NXPE2: variants seen among roughly 807,000 people sequenced by gnomAD.
The protein encoded by NXPE2 is neurexophilin and PC-esterase domain family member 2.
NXPE2 carries 34 observed loss-of-function variants against 34.4 expected under a neutral mutation model. The ratio of observed to expected loss-of-function variants is 0.99; its 90% CI spans 0.75 to 1.31. The LOEUF (loss-of-function observed/expected upper bound fraction) is 1.31, where lower values mean the gene tolerates loss of function less well. Among genes scored for constraint, NXPE2 ranks in the 40% most tolerant of loss-of-function variants. The pLI is 0.00. For missense variants in NXPE2, 649 were observed against 672.5 expected (o/e 0.97, Z 0.39); for synonymous variants, 235 against 231.3 (o/e 1.02, Z -0.15).
At chr11:114,805,803 T>G in the NXPE2 span, among the ~76,000 whole-genome samples, 1 of 152,192 alleles carries the variant, frequency 6.6e-6, no homozygotes, top group Non-Finnish European at 1.5e-5. Context: ...AGCAGTAACC[T>G]CTGCAGACTT....
At chr11:114,532,722 T>C in the NXPE2 span, among the ~76,000 whole-genome samples, 2 of 152,200 alleles carry the variant, frequency 1.3e-5, no homozygotes, top group Non-Finnish European at 2.9e-5. Context: ...TGTGTGTATG[T>C]GCATATATGC....
the NXPE2 span, chr11:114,523,140 T>A: frequency 7.5e-7 from 1 of 1,337,106 alleles, no homozygotes; most frequent in South Asian, 1.2e-5. Flanking sequence ...AACTTAGACA[T>A]CTAGCCTTCT....
At chr11:114,636,240 T>C in the NXPE2 span, among the ~76,000 whole-genome samples, 1 of 152,074 alleles carries the variant, frequency 6.6e-6, no homozygotes, top group Non-Finnish European at 1.5e-5. Flanking sequence ...GATTCTCTAG[T>C]TTATTTGCGT....
chr11:114,663,678 T>TTATCTATC, the NXPE2 span, among the ~76,000 whole-genome samples: 42,904 of 145,774 alleles, frequency 0.29, 6,400 homozygotes, highest in Middle Eastern at 0.35. Context: ...ATCTATCTAT[T>TTATCTATC]TATCTATCTA....
chr11:114,625,675 A>G, the NXPE2 span, among the ~76,000 whole-genome samples: 1 of 152,138 alleles, frequency 6.6e-6, no homozygotes, highest in East Asian at 1.9e-4. Flanking sequence ...GGAGGAGCCA[A>G]GATGGCCGAG....
chr11:114,609,521 C>G, the NXPE2 span, among the ~76,000 whole-genome samples: 1 of 151,800 alleles, frequency 6.6e-6, no homozygotes, highest in Non-Finnish European at 1.5e-5. Context: ...AGTACTGCTT[C>G]GTGGGTAACC....
At chr11:114,640,466 G>T in the NXPE2 span, among the ~76,000 whole-genome samples, 2 of 151,490 alleles carry the variant, frequency 1.3e-5, no homozygotes, top group Non-Finnish European at 2.9e-5. Flanking sequence ...CCTCTGGGTA[G>T]ACACCAAGTA....
chr11:114,580,248 A>T, the NXPE2 span: 1 of 1,613,968 alleles, frequency 6.2e-7, no homozygotes, highest in South Asian at 1.1e-5. Flanking sequence ...ACTACAGGAG[A>T]CAGGATTCCA....
chr11:114,798,050 C>G, the NXPE2 span, among the ~76,000 whole-genome samples: 1 of 152,156 alleles, frequency 6.6e-6, no homozygotes, highest in Non-Finnish European at 1.5e-5. Flanking sequence ...TGCCCAGATC[C>G]TTCTATTTCT....
the NXPE2 span, among the ~76,000 whole-genome samples, chr11:114,525,378 T>A: frequency 6.6e-6 from 1 of 151,866 alleles, no homozygotes; most frequent in Non-Finnish European, 1.5e-5. Context: ...GCAGAAGATA[T>A]AAAAAGAAAA....
At position 114,679,662 on chromosome 11, in the gene NXPE2, T is replaced by G. The variant is rs1950916220; in HGVS notation, c.32T>G (p.Leu11Arg). Residue 11 changes from leucine (L) to arginine (R), a missense_variant, in exon 2 of 6, where the codon CTC (leucine) becomes CGC (arginine). Coordinates refer to ENST00000389586, the MANE Select transcript of NXPE2 (RefSeq NM_182495.6). Reference sequence around the variant, plus strand: ...TCTCCTGTCCTTTCTTATAGGATACTCACTTTGTTTCCAAATGCCATAGCT... The same window carrying G: ...TCTCCTGTCCTTTCTTATAGGATACGCACTTTGTTTCCAAATGCCATAGCT... MVEKILIHRI[L>R]TLFPNAIARK... The G allele has an allele frequency of 6.5e-7, 1 of 1,538,632 alleles. No homozygotes were observed. Among genetic ancestry groups the G allele is most frequent in the African/African-American group, 1.4e-5 (1 of 72,734 alleles).
At chr11:114,640,964 G>A in the NXPE2 span, among the ~76,000 whole-genome samples, 1 of 151,956 alleles carries the variant, frequency 6.6e-6, no homozygotes, top group Non-Finnish European at 1.5e-5. Flanking sequence ...AGAACACATA[G>A]AGCAAGAATT....
At chr11:114,688,471 G>A (rs865806130) in intron 2 of NXPE2, among the ~76,000 whole-genome samples, 33 of 152,136 alleles carry the variant, frequency 2.2e-4, no homozygotes, top group African/African-American at 7.2e-4. Flanking sequence ...TTGATGTGCT[G>A]CTGAATTCAG....
the NXPE2 span, among the ~76,000 whole-genome samples, chr11:114,514,150 G>C: frequency 2.0e-5 from 3 of 151,938 alleles, no homozygotes; most frequent in African/African-American, 7.3e-5. Flanking sequence ...GATGTATTTT[G>C]AATGTCTTTT....
chr11:114,620,515 C>T, the NXPE2 span, among the ~76,000 whole-genome samples: 508 of 151,788 alleles, frequency 3.3e-3, 3 homozygotes, highest in African/African-American at 0.011. Flanking sequence ...TCTAGGGTAA[C>T]CACTTTAAGG....
chr11:114,615,431 C>T, the NXPE2 span, among the ~76,000 whole-genome samples: 8 of 151,928 alleles, frequency 5.3e-5, no homozygotes, highest in African/African-American at 1.5e-4. Context: ...ATAAGTAATG[C>T]CTCATGGGTA....
chr11:114,797,173 C>G, the NXPE2 span, among the ~76,000 whole-genome samples: 41 of 152,308 alleles, frequency 2.7e-4, no homozygotes, highest in Non-Finnish European at 5.0e-4. Flanking sequence ...CCTCCTCACC[C>G]AACTAGGCTA....
chr11:114,640,165 T>TAA, the NXPE2 span, among the ~76,000 whole-genome samples: 16 of 59,784 alleles, frequency 2.7e-4, no homozygotes, highest in African/African-American at 9.4e-4. Context: ...TAATAATATA[T>TAA]ATAAATAATT....
At chr11:114,620,004 G>A in the NXPE2 span, among the ~76,000 whole-genome samples, 23 of 150,968 alleles carry the variant, frequency 1.5e-4, no homozygotes, top group South Asian at 8.4e-4. Flanking sequence ...GTATTGCCTC[G>A]TGGGTAACCA....
Sources: allele counts gnomAD v4.1 joint callset (sites outside exome capture counted in the v4.1 genomes callset), GRCh38; gene constraint gnomAD v4.1.1; transcripts MANE v1.5; gene names NCBI Gene and HGNC (gene_info 2026-07-23, HGNC 2026-07-21).